SLC9A9: variants seen among roughly 807,000 people sequenced by gnomAD.
SLC9A9 encodes the protein solute carrier family 9 member A9.
Under a neutral mutation model 77.8 loss-of-function variants are expected in SLC9A9, and 62 were observed. The ratio of observed to expected loss-of-function variants is 0.80; its 90% CI spans 0.65 to 0.98. The LOEUF is 0.98. Among genes scored for constraint, SLC9A9 ranks in the 50% least tolerant of loss-of-function variants. SLC9A9 has a pLI of 0.00. For missense variants in SLC9A9, 775 were observed against 774.9 expected, an observed-to-expected ratio of 1.00 and a Z score of 0.00; for synonymous variants, 320 against 283.5, an observed-to-expected ratio of 1.13 and a Z score of -1.29.
chr3:143,792,675 G>C (rs2008259289), intron 4 of SLC9A9, among the ~76,000 whole-genome samples: 1 of 152,048 alleles, frequency 6.6e-6, no homozygotes, highest in Non-Finnish European at 1.5e-5. Context: ...TCAAAATAGT[G>C]ATGTTCCCTA....
At chr3:143,415,091 C>T (rs1232649070) in intron 12 of SLC9A9, among the ~76,000 whole-genome samples, 17 of 152,342 alleles carry the variant, frequency 1.1e-4, no homozygotes, top group Non-Finnish European at 1.5e-5. Context: ...GGGGCCCTAA[C>T]TCTCTTCAAT....
At chr3:143,764,998 C>T (rs7619056) in intron 4 of SLC9A9, among the ~76,000 whole-genome samples, 7 of 128,404 alleles carry the variant, frequency 5.5e-5, no homozygotes, top group East Asian at 2.2e-4. Context: ...TTCCTTCCTT[C>T]CTTTCTTTCT....
chr3:143,443,362 A>G (rs1028388604), intron 12 of SLC9A9, among the ~76,000 whole-genome samples: 10 of 152,164 alleles, frequency 6.6e-5, no homozygotes, highest in African/African-American at 2.4e-4. Context: ...TTTCAGCATA[A>G]TAGTGTTTTA....
chr3:143,810,362 CTAAA>C (rs1398034721), intron 2 of SLC9A9, among the ~76,000 whole-genome samples: 10 of 152,320 alleles, frequency 6.6e-5, no homozygotes, highest in South Asian at 2.1e-4. Context: ...CACTGAACTA[CTAAA>C]TAAATAATCA....
intron 6 of SLC9A9, among the ~76,000 whole-genome samples, chr3:143,650,936 G>A (rs1242073): frequency 0.72 from 109,455 of 152,102 alleles, 39,764 homozygotes; most frequent in African/African-American, 0.83. Flanking sequence ...TGTGAATGGT[G>A]GTCCTGAAAG....
intron 8 of SLC9A9, among the ~76,000 whole-genome samples, chr3:143,566,323 C>A (rs75527175): frequency 6.6e-6 from 1 of 152,240 alleles, no homozygotes; most frequent in East Asian, 1.9e-4. Context: ...AATAGGAGAA[C>A]AGGCTTAGGG....
At chr3:143,518,360 C>G in intron 9 of SLC9A9, 1 of 620,220 alleles carries the variant, frequency 1.6e-6, no homozygotes, top group South Asian at 1.9e-5. Context: ...TATTTGTTAT[C>G]TATTGAGTAG....
At chr3:143,672,474 T>C (rs10935499) in intron 5 of SLC9A9, among the ~76,000 whole-genome samples, 16,073 of 152,184 alleles carry the variant, frequency 0.11, 1,003 homozygotes, top group African/African-American at 0.16. Flanking sequence ...ATAAAAACTT[T>C]TCTGATTATG....
intron 11 of SLC9A9, among the ~76,000 whole-genome samples, chr3:143,489,402 T>C (rs1001034309): frequency 6.6e-6 from 1 of 151,888 alleles, no homozygotes; most frequent in African/African-American, 2.4e-5. Context: ...TTAATACAGA[T>C]ATTTAAGAGG....
At chr3:143,471,680 T>C (rs1229219812) in intron 11 of SLC9A9, among the ~76,000 whole-genome samples, 8 of 152,208 alleles carry the variant, frequency 5.3e-5, no homozygotes, top group Non-Finnish European at 1.2e-4. Flanking sequence ...TTTGGCCAAC[T>C]AATCAAAATA....
chr3:143,714,379 A>T (rs1196054134), intron 4 of SLC9A9, among the ~76,000 whole-genome samples: 1 of 152,178 alleles, frequency 6.6e-6, no homozygotes, highest in East Asian at 1.9e-4. Context: ...TTCTGGACAC[A>T]TCCCTACCTC....
chr3:143,517,727 A>AT, intron 9 of SLC9A9: 1 of 1,597,880 alleles, frequency 6.3e-7, no homozygotes, highest in South Asian at 1.1e-5. Flanking sequence ...ACAGTCTTGG[A>AT]TGGCAGCACT....
intron 2 of SLC9A9, among the ~76,000 whole-genome samples, chr3:143,807,941 C>A (rs929526741): frequency 9.2e-5 from 14 of 152,120 alleles, no homozygotes; most frequent in African/African-American, 3.1e-4. Context: ...GGATGAGAGA[C>A]CATCTCGATG....
At chr3:143,564,751 C>T (rs1363257576) in intron 8 of SLC9A9, among the ~76,000 whole-genome samples, 3 of 152,108 alleles carry the variant, frequency 2.0e-5, no homozygotes, top group Non-Finnish European at 4.4e-5. Flanking sequence ...TAGAAAACAG[C>T]ATGAATCTAT....
In SLC9A9 at chr3:143,652,629, C is replaced by G. The variant is rs576778948; in HGVS notation, c.650-269G>C. Among the ~76,000 whole-genome samples, 444 of 152,196 alleles carry G rather than the reference C, an allele frequency of 2.9e-3. 4 individuals are homozygous for G. The highest frequency in any genetic ancestry group is 0.01 in the African/African-American group (426 of 41,520). ...CTTCTAGCCTCATCTCCCTCTGCCCCCTTTGCTGCCTTTCTCAAGTCACAC... is the reference window on the plus strand; with the variant it reads ...CTTCTAGCCTCATCTCCCTCTGCCCGCTTTGCTGCCTTTCTCAAGTCACAC... On this transcript the variant is annotated intron_variant, in intron 5 of 15. Coordinates refer to ENST00000316549, the MANE Select transcript of SLC9A9 (RefSeq NM_173653.4).
At chr3:143,623,182 A>C (rs1224501577) in intron 6 of SLC9A9, among the ~76,000 whole-genome samples, 1 of 152,178 alleles carries the variant, frequency 6.6e-6, no homozygotes, top group Non-Finnish European at 1.5e-5. Context: ...TTAACACCCC[A>C]CTGTCAACGT....
chr3:143,836,410 C>A (rs1021759625), intron 1 of SLC9A9, among the ~76,000 whole-genome samples: 6 of 152,164 alleles, frequency 3.9e-5, no homozygotes, highest in Non-Finnish European at 7.3e-5. Flanking sequence ...TCCAAGTCCA[C>A]AAGCTCCCTG....
In SLC9A9 at chr3:143,802,972, G is replaced by A. The variant is rs189637204; in HGVS notation, c.379-6069C>T. ...CTCCAGCAGGCTAGACAGGAAATTC[G>A]CCAGGCTGCTAATCTTCTCTTGCCT... On this transcript the variant is annotated intron_variant, in intron 2 of 15. Transcript: ENST00000316549. Among the ~76,000 whole-genome samples, 372 of 152,148 alleles carry A rather than the reference G, an allele frequency of 2.4e-3. 1 individual carries two copies. Among genetic ancestry groups the A allele is most frequent in the African/African-American group, 7.0e-3 (289 of 41,480 alleles).
chr3:143,746,688 C>T (rs1218648274), intron 4 of SLC9A9, among the ~76,000 whole-genome samples: 1 of 151,980 alleles, frequency 6.6e-6, no homozygotes, highest in African/African-American at 2.4e-5. Context: ...TTAAAGTGCT[C>T]AAATAATTTC....
Sources: allele counts gnomAD v4.1 joint callset (sites outside exome capture counted in the v4.1 genomes callset), GRCh38; gene constraint gnomAD v4.1.1; transcripts MANE v1.5; gene names NCBI Gene and HGNC (gene_info 2026-07-23, HGNC 2026-07-21).